PKHD1: variants seen among roughly 807,000 people sequenced by gnomAD.
The protein encoded by PKHD1 is PKHD1 ciliary IPT domain containing fibrocystin/polyductin.
PKHD1 carries 291 observed loss-of-function variants against 412.0 expected under a neutral mutation model. The ratio of observed to expected loss-of-function variants is 0.71; its 90% confidence interval spans 0.64 to 0.78. PKHD1 has a LOEUF of 0.78. Among genes scored for constraint, PKHD1 ranks in the 30% least tolerant of loss-of-function variants. The pLI is 0.00. For synonymous variants in PKHD1, 1,777 were observed against 1,821.5 expected (o/e 0.98, Z 0.62); for missense variants, 4,825 against 4,950.7 (o/e 0.97, Z 0.76).
intron 35 of PKHD1, among the ~76,000 whole-genome samples, chr6:51,990,593 G>C (rs911848986): frequency 6.6e-6 from 1 of 152,078 alleles, no homozygotes; most frequent in Admixed American, 6.6e-5. Flanking sequence ...AAACACTTTT[G>C]TTCCTTAGTA....
chr6:51,853,121 G>A (rs1772616708), intron 49 of PKHD1, among the ~76,000 whole-genome samples: 1 of 152,032 alleles, frequency 6.6e-6, no homozygotes, highest in South Asian at 2.1e-4. Context: ...AAATCCCTCA[G>A]GATTTGCTTA....
intron 52 of PKHD1, among the ~76,000 whole-genome samples, chr6:51,805,631 G>A (rs1182441575): frequency 1.3e-5 from 2 of 152,146 alleles, no homozygotes; most frequent in African/African-American, 2.4e-5. Context: ...CTAGAAAGGC[G>A]GGCAAGAGAG....
intron 60 of PKHD1, among the ~76,000 whole-genome samples, chr6:51,672,289 T>C (rs1322334753): frequency 1.3e-5 from 2 of 152,154 alleles, no homozygotes; most frequent in African/African-American, 2.4e-5. Context: ...TCCAACTCAG[T>C]TTCCCCTTAG....
At chr6:52,026,604 G>C (rs1205511570) in intron 31 of PKHD1, among the ~76,000 whole-genome samples, 1 of 152,084 alleles carries the variant, frequency 6.6e-6, no homozygotes, top group Non-Finnish European at 1.5e-5. Context: ...ATATGCTAAT[G>C]AAAAATCAAA....
chr6:51,870,360 T>C, intron 47 of PKHD1, 144 bp downstream of exon 47: 1 of 763,824 alleles, frequency 1.3e-6, no homozygotes, highest in East Asian at 2.7e-5. Flanking sequence ...CAGGATGTCT[T>C]TTAGGAGATT....
In PKHD1 at chr6:51,748,210, T is replaced by C. The variant is rs1785490770; in HGVS notation, c.9406A>G (p.Ser3136Gly). Reference sequence around the variant, plus strand: ...ATTCTGGTACAGTTGTCAAGTCCACTTTCCTTATAGAGATGAAGGCCATGA... The same window carrying C: ...ATTCTGGTACAGTTGTCAAGTCCACCTTCCTTATAGAGATGAAGGCCATGA... Reference protein sequence around the residue: ...SLHGLHLYKESGLDNCTRISG... With the variant: ...SLHGLHLYKEGGLDNCTRISG... Residue 3136 changes from serine (S) to glycine (G), a missense_variant, in exon 58 of 67, where the codon AGT (serine) becomes GGT (glycine). Transcript: ENST00000371117. The C allele has an allele frequency of 1.2e-6, 2 of 1,614,076 alleles. No individual in the cohort carries two copies. Among genetic ancestry groups the C allele is most frequent in the East Asian group, 4.5e-5 (2 of 44,874 alleles).
chr6:51,800,503 T>C (rs1762741757), intron 52 of PKHD1, among the ~76,000 whole-genome samples: 1 of 152,198 alleles, frequency 6.6e-6, no homozygotes, highest in African/African-American at 2.4e-5. Context: ...GGGCTTCTTT[T>C]GTATCAAGAA....
chr6:52,044,526 G>A lies in PKHD1; in HGVS notation c.2715+440C>T, dbSNP rs970679884. Reference sequence around the variant, plus strand: ...TTTTCAGTTTGGGTCCCCAGGTGTTGATAATATTATTCTTTATTGTTTTTG... The same window carrying A: ...TTTTCAGTTTGGGTCCCCAGGTGTTAATAATATTATTCTTTATTGTTTTTG... On this transcript the variant is annotated intron_variant, in intron 25 of 66. Coordinates refer to ENST00000371117, the MANE Select transcript of PKHD1 (RefSeq NM_138694.4). Among the ~76,000 whole-genome samples, 5 of 152,144 alleles carry A rather than the reference G, an allele frequency of 3.3e-5. No homozygotes were observed. The South Asian group carries it at 8.3e-4, about 25-fold the overall frequency.
chr6:51,868,830 C>T (rs984433607), intron 47 of PKHD1, among the ~76,000 whole-genome samples: 1 of 152,052 alleles, frequency 6.6e-6, no homozygotes, highest in African/African-American at 2.4e-5. Flanking sequence ...CACTTCTTGG[C>T]AGTCTTTCCC....
At chr6:51,866,897 A>C (rs1775153309) in intron 48 of PKHD1, among the ~76,000 whole-genome samples, 1 of 152,172 alleles carries the variant, frequency 6.6e-6, no homozygotes, top group African/African-American at 2.4e-5. Flanking sequence ...AATTGGGCTC[A>C]TTAACGTCAG....
At chr6:51,669,002 G>C (rs959661676) in intron 60 of PKHD1, among the ~76,000 whole-genome samples, 1 of 152,124 alleles carries the variant, frequency 6.6e-6, no homozygotes, top group Non-Finnish European at 1.5e-5. Context: ...TTGGTCTAAA[G>C]TTCTCTTTTT....
chr6:51,992,371 T>G (rs1365105395), intron 35 of PKHD1, among the ~76,000 whole-genome samples: 1 of 152,218 alleles, frequency 6.6e-6, no homozygotes, highest in African/African-American at 2.4e-5. Flanking sequence ...GATTACATAC[T>G]TGGTTGTTTC....
intron 23 of PKHD1, among the ~76,000 whole-genome samples, chr6:52,047,047 T>C (rs1179020114): frequency 6.6e-6 from 1 of 152,228 alleles, no homozygotes; most frequent in Non-Finnish European, 1.5e-5. Flanking sequence ...TTACAAATCA[T>C]GTTTCTACAT....
intron 13 of PKHD1, among the ~76,000 whole-genome samples, chr6:52,064,589 G>A (rs886436489): frequency 1.2e-4 from 19 of 152,092 alleles, no homozygotes; most frequent in African/African-American, 3.6e-4. Context: ...ACACTCTAAC[G>A]CTCCTGTCTT....
chr6:51,990,583 A>G (rs1796936470), intron 35 of PKHD1, among the ~76,000 whole-genome samples: 1 of 152,228 alleles, frequency 6.6e-6, no homozygotes, highest in Non-Finnish European at 1.5e-5. Context: ...ACTAAAATCA[A>G]AACACTTTTG....
At position 51,847,834 on chromosome 6, in the gene PKHD1, C is replaced by T. The variant is rs141527151; in HGVS notation, c.8048G>A (p.Gly2683Asp). The change falls in exon 50 of 67, where the codon GGT becomes GAT. Residue 2683 changes from glycine to aspartate, a missense_variant. Physicochemically the swap from Gly to Asp is moderately conservative, Grantham distance 94. Transcript: ENST00000371117. The stretch of plus-strand genomic sequence containing the variant: ...GAACCAGTCACAGCCTTGGTTCTGA[C>T]CTGGTGATGGAAGAAATGGAAAAGA... ...GLSFPFLPSP[G>D]QNQGCDWFFN... 4.5e-5 allele frequency: 73 copies of T among 1,614,054 alleles called. No individual in the cohort carries two copies. The highest frequency in any genetic ancestry group is 1.0e-4 in the Admixed American group (6 of 60,024).
intron 50 of PKHD1, among the ~76,000 whole-genome samples, chr6:51,840,982 G>A (rs1770083954): frequency 6.6e-6 from 1 of 152,018 alleles, no homozygotes; most frequent in Admixed American, 6.6e-5. Flanking sequence ...GAAAAGTTAG[G>A]TTTTAAAAAT....
At chr6:51,870,844 G>A (rs1010519394) in intron 46 of PKHD1, among the ~76,000 whole-genome samples, 3 of 150,580 alleles carry the variant, frequency 2.0e-5, no homozygotes, top group Non-Finnish European at 4.4e-5. Flanking sequence ...AATAGACAAC[G>A]CAATTCAAAA....
rs558528395 is a variant in PKHD1 at position 51,637,904 on chromosome 6, A to C, written c.11506+945T>G. ...GGGTGACAGAGTGAGATTCCATCTC[A>C]AAAAAACAAAAAAAAATCCAAAACT... On this transcript the variant is annotated intron_variant, in intron 64 of 66. Transcript: ENST00000371117. Among the ~76,000 whole-genome samples, 265 of 152,190 alleles carry C rather than the reference A, an allele frequency of 1.7e-3. 3 individuals are homozygous for C. The highest frequency in any genetic ancestry group is 6.2e-3 in the African/African-American group (257 of 41,512).
Sources: gnomAD v4.1 joint callset for allele counts (sites outside exome capture counted in the v4.1 genomes callset) on GRCh38, gnomAD v4.1.1 for gene constraint, MANE v1.5 for transcripts, NCBI Gene and HGNC (gene_info 2026-07-23, HGNC 2026-07-21) for gene names.